The following AOPEP variants were observed in gnomAD, a reference collection of about 807,000 sequenced individuals.
AOPEP encodes the protein aminopeptidase O.
Under a neutral mutation model 98.1 loss-of-function variants are expected in AOPEP, and 77 were observed. The observed-to-expected ratio is 0.78, with a 90% CI of 0.65 to 0.95. The LOEUF is 0.95. Ranked by LOEUF, AOPEP falls within the 40% of genes least tolerant of loss-of-function variation. The probability of loss-of-function intolerance (pLI) is 0.00; values close to 1 mark genes in which losing one functional copy is unlikely to be tolerated. For synonymous variants in AOPEP, 346 were observed against 365.3 expected (o/e 0.95, Z 0.60); for missense variants, 1,024 against 1,024.7 (o/e 1.00, Z 0.01).
At chr9:95,041,577 T>TTA (rs2065316724) in intron 13 of AOPEP, among the ~76,000 whole-genome samples, 1 of 151,936 alleles carries the variant, frequency 6.6e-6, no homozygotes, top group South Asian at 2.1e-4. Flanking sequence ...AATGAAGACT[T>TTA]CAGCCTTTAG....
chr9:95,023,785 G>A (rs1163226789), intron 13 of AOPEP, among the ~76,000 whole-genome samples: 4 of 152,156 alleles, frequency 2.6e-5, no homozygotes, highest in African/African-American at 4.8e-5. Context: ...GTTTCCCTGA[G>A]CGCTGACTAA....
chr9:94,842,547 A>G (rs1003997260), intron 5 of AOPEP, among the ~76,000 whole-genome samples: 2 of 152,320 alleles, frequency 1.3e-5, no homozygotes, highest in East Asian at 3.9e-4. Flanking sequence ...AGACAATCCT[A>G]TGTTTGCTTT....
At position 95,086,908 on chromosome 9, in the gene AOPEP, C is replaced by T. The variant is rs2070760473; in HGVS notation, c.*231C>T. 1.0e-6 allele frequency: 1 copy of T among 987,874 alleles called. No individual in the cohort carries two copies. Among genetic ancestry groups the T allele is most frequent in the African/African-American group, 1.7e-5 (1 of 57,418 alleles). 61.2% of individuals were successfully genotyped at this position (987,874 alleles called of 1,614,324 possible). On this transcript the variant is annotated 3_prime_UTR_variant, in exon 17 of 17. Coordinates refer to ENST00000375315, the MANE Select transcript of AOPEP (RefSeq NM_001193329.3). ...TCCCTCCCTGGAGGCTGCCTCCTGCCCTGGATCTGGAGTGGAGCTGCTCTG... is the reference window on the plus strand; with the variant it reads ...TCCCTCCCTGGAGGCTGCCTCCTGCTCTGGATCTGGAGTGGAGCTGCTCTG...
intron 5 of AOPEP, among the ~76,000 whole-genome samples, chr9:94,885,492 A>G (rs1209305809): frequency 2.6e-5 from 4 of 152,104 alleles, no homozygotes; most frequent in Admixed American, 1.3e-4. Flanking sequence ...GCATGGAGGA[A>G]TACACACAGG....
chr9:95,081,157 C>T lies in AOPEP; in HGVS notation c.2319+377C>T, dbSNP rs569761810. ...CGTGCAAGTCAGACTGGGAGAGCCC[C>T]GACGGGACAGTCTCGGTCTGTACCT... On this transcript the variant is annotated intron_variant, in intron 15 of 16. Coordinates refer to ENST00000375315, the MANE Select transcript of AOPEP (RefSeq NM_001193329.3). Among the ~76,000 whole-genome samples the T allele has an allele frequency of 5.3e-5, 8 of 152,306 alleles. No individual in the cohort carries two copies. In the South Asian group the frequency reaches 6.2e-4, roughly 12 times the overall value.
rs570064022 is a variant in AOPEP at position 94,898,615 on chromosome 9, G to C, written c.1365-25371G>C. Among the ~76,000 whole-genome samples, 3 of 138,396 alleles carry C rather than the reference G, an allele frequency of 2.2e-5. No individual in the cohort carries two copies. In the South Asian group the frequency reaches 7.5e-4, roughly 35 times the overall value. The allele number at this position is 138,396 out of a possible 152,430, so 90.8% of individuals were successfully genotyped here. A position where few individuals can be genotyped will look rare whatever the true frequency, so the allele number is the denominator to read the frequency against. On this transcript the variant is annotated intron_variant, in intron 5 of 16. Coordinates refer to ENST00000375315, the MANE Select transcript of AOPEP (RefSeq NM_001193329.3). ...CCATTGCACTCCAGCCTGGGCGACAGAACAAGACTGTCTCAAAAATAAAAA... is the reference window on the plus strand; with the variant it reads ...CCATTGCACTCCAGCCTGGGCGACACAACAAGACTGTCTCAAAAATAAAAA...
At chr9:94,836,550 G>A (rs920952084) in intron 5 of AOPEP, among the ~76,000 whole-genome samples, 2 of 152,058 alleles carry the variant, frequency 1.3e-5, no homozygotes, top group African/African-American at 4.8e-5. Context: ...TAATTGGGTT[G>A]TTTTCTTGCT....
intron 13 of AOPEP, among the ~76,000 whole-genome samples, chr9:95,049,795 C>T (rs1331957032): frequency 2.6e-5 from 4 of 152,164 alleles, no homozygotes; most frequent in Non-Finnish European, 1.5e-5. Flanking sequence ...TTCATGCCAA[C>T]GCCTATGAAA....
At chr9:95,083,732 C>T (rs1379760370) in intron 16 of AOPEP, among the ~76,000 whole-genome samples, 5 of 152,144 alleles carry the variant, frequency 3.3e-5, no homozygotes, top group Admixed American at 2.6e-4. Flanking sequence ...ACACAGTGCA[C>T]GCACCACACA....
At chr9:94,835,738 T>A (rs2041515019) in intron 5 of AOPEP, among the ~76,000 whole-genome samples, 1 of 152,188 alleles carries the variant, frequency 6.6e-6, no homozygotes, top group Non-Finnish European at 1.5e-5. Context: ...GTTGAAGTGG[T>A]ATCTATGCAA....
At chr9:95,091,054 G>A (rs2070860058), downstream of AOPEP, among the ~76,000 whole-genome samples, 1 of 152,180 alleles carries the variant, frequency 6.6e-6, no homozygotes, top group African/African-American at 2.4e-5. Context: ...GGGGGAGGCC[G>A]AGGGGAGGGA....
intron 9 of AOPEP, among the ~76,000 whole-genome samples, chr9:94,964,830 G>A (rs1432005255): frequency 6.6e-6 from 1 of 151,666 alleles, no homozygotes; most frequent in East Asian, 1.9e-4. Flanking sequence ...TAGTAGAGAC[G>A]GGGTTTCACT....
intron 5 of AOPEP, among the ~76,000 whole-genome samples, chr9:94,833,574 A>G (rs1053744038): frequency 3.3e-5 from 5 of 152,152 alleles, no homozygotes; most frequent in Non-Finnish European, 5.9e-5. Context: ...CAAAGAAGCT[A>G]CTGAAGATTA....
chr9:94,805,628 A>G (rs1849106543), intron 5 of AOPEP, among the ~76,000 whole-genome samples: 1 of 152,172 alleles, frequency 6.6e-6, no homozygotes, highest in South Asian at 2.1e-4. Context: ...TCCCTATTAC[A>G]CAAGGCTTAT....
the AOPEP span, among the ~76,000 whole-genome samples, chr9:95,104,199 G>A: frequency 1.3e-5 from 2 of 152,332 alleles, no homozygotes; most frequent in African/African-American, 2.4e-5. Flanking sequence ...CCTGCCACGC[G>A]GCCACCGCAG....
intron 5 of AOPEP, among the ~76,000 whole-genome samples, chr9:94,897,920 A>G (rs553550072): frequency 4.4e-4 from 67 of 151,500 alleles, no homozygotes; most frequent in Admixed American, 4.0e-3. Flanking sequence ...GCTCACTGCA[A>G]CCTCTGCCTC....
At chr9:94,975,090 G>A (rs2059758839) in intron 10 of AOPEP, among the ~76,000 whole-genome samples, 1 of 152,110 alleles carries the variant, frequency 6.6e-6, no homozygotes, top group African/African-American at 2.4e-5. Flanking sequence ...AATTAGTCGG[G>A]CGTGGTGGCA....
chr9:95,147,010 T>A, the AOPEP span, among the ~76,000 whole-genome samples: 1 of 150,716 alleles, frequency 6.6e-6, no homozygotes, highest in South Asian at 2.1e-4. Context: ...TTAGATAATT[T>A]TATTAGATAT....
intron 5 of AOPEP, among the ~76,000 whole-genome samples, chr9:94,836,276 T>C (rs1395393947): frequency 6.6e-6 from 1 of 152,250 alleles, no homozygotes; most frequent in African/African-American, 2.4e-5. Context: ...TCATATGGTA[T>C]GTATATATTT....
Sources: allele counts gnomAD v4.1 joint callset (sites outside exome capture counted in the v4.1 genomes callset), GRCh38; gene constraint gnomAD v4.1.1; transcripts MANE v1.5; gene names NCBI Gene and HGNC (gene_info 2026-07-23, HGNC 2026-07-21).